ATE1: variants seen among roughly 807,000 people sequenced by gnomAD.
The protein encoded by ATE1 is arginyltransferase 1, also known as arginyl-tRNA--protein transferase 1.
In ATE1, 36 loss-of-function variants were observed where a neutral mutation model predicts 70.5. That is an observed-to-expected ratio of 0.51 (90% CI 0.39 to 0.67). The LOEUF (loss-of-function observed/expected upper bound fraction) is 0.67. Ranked by LOEUF, ATE1 falls within the 30% of genes least tolerant of loss-of-function variation. The pLI, the probability that ATE1 is intolerant of heterozygous loss-of-function variation, is 0.00. For synonymous variants in ATE1, 232 were observed against 219.3 expected (o/e 1.06, Z -0.51); for missense variants, 593 against 629.5 (o/e 0.94, Z 0.62).
chr10:121,771,338 G>C (rs1259551804), intron 11 of ATE1, among the ~76,000 whole-genome samples: 1 of 152,090 alleles, frequency 6.6e-6, no homozygotes, highest in East Asian at 1.9e-4. Context: ...CAAAGTGCTG[G>C]GATTACAGGT....
At chr10:121,851,310 C>T (rs1207321247) in intron 8 of ATE1, among the ~76,000 whole-genome samples, 1 of 152,020 alleles carries the variant, frequency 6.6e-6, no homozygotes, top group Non-Finnish European at 1.5e-5. Flanking sequence ...CTCCCAGCTA[C>T]TCTGGATGCT....
At chr10:121,810,225 C>A (rs1947264686) in intron 10 of ATE1, among the ~76,000 whole-genome samples, 1 of 152,154 alleles carries the variant, frequency 6.6e-6, no homozygotes, top group East Asian at 1.9e-4. Context: ...AAATCCTATT[C>A]AAAGTTCTTC....
chr10:121,790,511 G>A (rs953145184), intron 10 of ATE1, among the ~76,000 whole-genome samples: 34 of 152,314 alleles, frequency 2.2e-4, no homozygotes, highest in African/African-American at 7.9e-4. Flanking sequence ...GACTTAGGAT[G>A]CCTGTGTTGA....
intron 4 of ATE1, among the ~76,000 whole-genome samples, chr10:121,912,554 A>T (rs564483603): frequency 2.6e-4 from 39 of 151,592 alleles, no homozygotes; most frequent in Non-Finnish European, 5.0e-4. Context: ...CGGGAGGCGG[A>T]GACAACAGAA....
chr10:121,772,291 C>T (rs1483452140), intron 11 of ATE1, among the ~76,000 whole-genome samples: 1 of 152,208 alleles, frequency 6.6e-6, no homozygotes, highest in Non-Finnish European at 1.5e-5. Flanking sequence ...ATTAGTACCA[C>T]ATGTTTATTA....
chr10:121,903,012 T>C (rs1394725666), intron 5 of ATE1, among the ~76,000 whole-genome samples: 1 of 145,660 alleles, frequency 6.9e-6, no homozygotes, highest in African/African-American at 2.5e-5. Context: ...ACTACAGGTG[T>C]GTGCCACCGT....
chr10:121,916,442 C>T (rs1049080298), intron 3 of ATE1, among the ~76,000 whole-genome samples: 9 of 152,076 alleles, frequency 5.9e-5, no homozygotes, highest in African/African-American at 2.2e-4. Context: ...CACACAAGGT[C>T]TCAAAAATGT....
At chr10:121,873,667 G>A (rs1949937160) in intron 7 of ATE1, among the ~76,000 whole-genome samples, 1 of 149,648 alleles carries the variant, frequency 6.7e-6, no homozygotes, top group Non-Finnish European at 1.5e-5. Context: ...CAATTTGGAT[G>A]TAATGACTTC....
intron 4 of ATE1, among the ~76,000 whole-genome samples, chr10:121,911,656 T>C (rs1373100491): frequency 1.3e-5 from 2 of 151,960 alleles, no homozygotes; most frequent in African/African-American, 2.4e-5. Context: ...ACCTGGGAAA[T>C]CACATGTTAA....
At chr10:121,849,350 T>C (rs143870906) in intron 8 of ATE1, among the ~76,000 whole-genome samples, 2 of 152,350 alleles carry the variant, frequency 1.3e-5, no homozygotes, top group East Asian at 1.9e-4. Flanking sequence ...AATTACCTTC[T>C]CAGTTTCTGA....
At chr10:121,763,643 C>A (rs527311767) in intron 11 of ATE1, among the ~76,000 whole-genome samples, 3 of 152,122 alleles carry the variant, frequency 2.0e-5, no homozygotes, top group Non-Finnish European at 4.4e-5. Flanking sequence ...GACTTCTAGG[C>A]CCATGAAACT....
chr10:121,904,824 G>A (rs569610029), intron 5 of ATE1, among the ~76,000 whole-genome samples: 7 of 152,204 alleles, frequency 4.6e-5, no homozygotes, highest in African/African-American at 1.2e-4. Flanking sequence ...CCAATCTGAT[G>A]AGAAAATAGT....
rs529260316 is a variant in ATE1 at position 121,885,502 on chromosome 10, G to T, written c.942+14364C>A. On this transcript the variant is annotated intron_variant, in intron 7 of 11. Coordinates refer to ENST00000224652, the MANE Select transcript of ATE1 (RefSeq NM_001001976.3). ...GGAGAATAGCATAAACCTGGGAGGT[G>T]GAGCTTGCAGTGAGCCAAGATCGCG... Among the ~76,000 whole-genome samples the T allele has an allele frequency of 9.5e-5, 14 of 147,220 alleles. No homozygotes were observed. In the South Asian group the frequency reaches 1.9e-3, roughly 20 times the overall value.
At chr10:121,915,320 A>G (rs1951604815) in intron 3 of ATE1, among the ~76,000 whole-genome samples, 1 of 152,208 alleles carries the variant, frequency 6.6e-6, no homozygotes. Context: ...CTGAAGTTGA[A>G]GAAACCTTCC....
intron 10 of ATE1, among the ~76,000 whole-genome samples, chr10:121,821,235 C>T (rs1005583734): frequency 1.5e-4 from 23 of 152,120 alleles, no homozygotes; most frequent in Admixed American, 9.8e-4. Flanking sequence ...TGAGCCACCG[C>T]GCCTGGCCAG....
chr10:121,793,308 T>A (rs1018481127), intron 10 of ATE1, among the ~76,000 whole-genome samples: 6 of 152,200 alleles, frequency 3.9e-5, no homozygotes, highest in African/African-American at 1.4e-4. Flanking sequence ...AACTTACATA[T>A]TGTTGGTTTA....
chr10:121,903,600 T>C (rs991153575), intron 5 of ATE1, among the ~76,000 whole-genome samples: 1 of 152,042 alleles, frequency 6.6e-6, no homozygotes, highest in Admixed American at 6.5e-5. Flanking sequence ...GGCATTAGAA[T>C]CACTTGAACC....
chr10:121,886,670 T>C (rs545174069), intron 7 of ATE1, among the ~76,000 whole-genome samples: 6 of 152,372 alleles, frequency 3.9e-5, no homozygotes, highest in African/African-American at 1.4e-4. Flanking sequence ...AGAAGTGCTT[T>C]GGTTTTTATT....
intron 8 of ATE1, among the ~76,000 whole-genome samples, chr10:121,848,682 G>A (rs1018999482): frequency 2.1e-4 from 31 of 150,450 alleles, no homozygotes; most frequent in African/African-American, 6.1e-4. Context: ...AGTCCAAGGC[G>A]GGCGGATCAC....
Sources: gnomAD v4.1 joint callset for allele counts (sites outside exome capture counted in the v4.1 genomes callset) on GRCh38, gnomAD v4.1.1 for gene constraint, MANE v1.5 for transcripts, NCBI Gene and HGNC (gene_info 2026-07-23, HGNC 2026-07-21) for gene names.